The following RGL1 variants were observed in gnomAD, a reference collection of about 807,000 sequenced individuals.
RGL1 encodes ral guanine nucleotide dissociation stimulator-like 1.
Under a neutral mutation model 95.2 loss-of-function variants are expected in RGL1, and 24 were observed. The ratio of observed to expected loss-of-function variants is 0.25; its 90% CI spans 0.18 to 0.35. RGL1 has a LOEUF of 0.35. Ranked by LOEUF, RGL1 falls within the 10% of genes least tolerant of loss-of-function variation. The pLI is 1.00. For missense variants in RGL1, 715 were observed against 936.3 expected (o/e 0.76, Z 3.08); for synonymous variants, 329 against 344.9 (o/e 0.95, Z 0.51).
chr1:183,763,638 A>G (rs931221514), intron 2 of RGL1, among the ~76,000 whole-genome samples: 14 of 152,238 alleles, frequency 9.2e-5, no homozygotes, highest in African/African-American at 3.4e-4. Context: ...GTCTCCAGAG[A>G]CAGACTGGCC....
At chr1:183,719,671 C>T (rs547228686) in intron 1 of RGL1, among the ~76,000 whole-genome samples, 1 of 152,252 alleles carries the variant, frequency 6.6e-6, no homozygotes, top group South Asian at 2.1e-4. Flanking sequence ...TTTGGGAGGC[C>T]GAGGCAGATG....
At chr1:183,767,305 G>A (rs967447374) in intron 2 of RGL1, among the ~76,000 whole-genome samples, 13 of 150,864 alleles carry the variant, frequency 8.6e-5, no homozygotes, top group Admixed American at 4.0e-4. Flanking sequence ...AAAACCCAAA[G>A]GAGAACAAAC....
intron 1 of RGL1, among the ~76,000 whole-genome samples, chr1:183,696,454 T>C (rs1368933079): frequency 6.6e-6 from 1 of 152,178 alleles, no homozygotes; most frequent in Non-Finnish European, 1.5e-5. Flanking sequence ...TCACATACAA[T>C]GGGTGCCTTA....
At chr1:183,731,060 A>G (rs1383667600) in intron 1 of RGL1, among the ~76,000 whole-genome samples, 1 of 152,186 alleles carries the variant, frequency 6.6e-6, no homozygotes, top group East Asian at 1.9e-4. Flanking sequence ...GTTAACAATT[A>G]ATATCTTTGT....
intron 13 of RGL1, among the ~76,000 whole-genome samples, chr1:183,906,781 G>C (rs573296094): frequency 7.3e-6 from 1 of 136,860 alleles, no homozygotes; most frequent in South Asian, 2.4e-4. Context: ...GAACTAAATA[G>C]CCTCAATCCA....
chr1:183,746,560 TTTAAG>T (rs1161211144), intron 2 of RGL1, among the ~76,000 whole-genome samples: 1 of 152,000 alleles, frequency 6.6e-6, no homozygotes, highest in Non-Finnish European at 1.5e-5. Context: ...TGGATGAACA[TTTAAG>T]TTATTTATAG....
chr1:183,796,617 A>G (rs931706310), intron 2 of RGL1, among the ~76,000 whole-genome samples: 1 of 152,192 alleles, frequency 6.6e-6, no homozygotes, highest in Non-Finnish European at 1.5e-5. Context: ...CTAACTGCAG[A>G]GCCTTCACTC....
chr1:183,899,045 T>G (rs1667866746), intron 10 of RGL1, among the ~76,000 whole-genome samples: 1 of 152,212 alleles, frequency 6.6e-6, no homozygotes, highest in Non-Finnish European at 1.5e-5. Context: ...GGAGATTTAG[T>G]GAAATGAATA....
At chr1:183,656,192 C>T (rs1469772341) in intron 1 of RGL1, among the ~76,000 whole-genome samples, 1 of 149,910 alleles carries the variant, frequency 6.7e-6, no homozygotes, top group African/African-American at 2.5e-5. Context: ...AAAAAGTAAC[C>T]TGAAATCCAT....
At chr1:183,783,177 C>T (rs1053744890) in intron 2 of RGL1, among the ~76,000 whole-genome samples, 2 of 150,696 alleles carry the variant, frequency 1.3e-5, no homozygotes, top group Non-Finnish European at 1.5e-5. Flanking sequence ...ATTCCAGCTC[C>T]GTTTTGGGGA....
chr1:183,735,751 G>C (rs1010242411), intron 1 of RGL1, among the ~76,000 whole-genome samples: 1 of 152,196 alleles, frequency 6.6e-6, no homozygotes, highest in East Asian at 1.9e-4. Flanking sequence ...GTAGGAATCT[G>C]TCTCTCTGCT....
At position 183,814,973 on chromosome 1, in the gene RGL1, T is replaced by A. The variant is rs532173841; in HGVS notation, c.138+8488T>A. On this transcript the variant is annotated intron_variant, in intron 2 of 17. Transcript: ENST00000360851. Reference sequence around the variant, plus strand: ...TGCTTTATAGTCATGACTTTTCCAATTAAAATTGCAATACTTGGCTGAGCG... The same window carrying A: ...TGCTTTATAGTCATGACTTTTCCAAATAAAATTGCAATACTTGGCTGAGCG... Among the ~76,000 whole-genome samples the A allele has an allele frequency of 9.8e-5, 15 of 152,314 alleles. No individual in the cohort carries two copies. In the South Asian group the frequency reaches 1.5e-3, roughly 15 times the overall value.
chr1:183,734,278 T>C (rs1656804577), intron 1 of RGL1, among the ~76,000 whole-genome samples: 1 of 152,134 alleles, frequency 6.6e-6, no homozygotes, highest in African/African-American at 2.4e-5. Flanking sequence ...AACATCTACA[T>C]GATGTTATTT....
At chr1:183,825,810 G>A (rs912693940) in intron 2 of RGL1, among the ~76,000 whole-genome samples, 2 of 152,242 alleles carry the variant, frequency 1.3e-5, no homozygotes, top group African/African-American at 4.8e-5. Context: ...AATCCCAGTG[G>A]AAGCCTATGT....
chr1:183,917,525 T>C (rs1669051218), intron 16 of RGL1, among the ~76,000 whole-genome samples: 1 of 152,224 alleles, frequency 6.6e-6, no homozygotes, highest in South Asian at 2.1e-4. Flanking sequence ...GAAGGCACAC[T>C]CAGTGCTTAC....
chr1:183,712,948 G>T (rs2102179985), intron 1 of RGL1, among the ~76,000 whole-genome samples: 1 of 152,168 alleles, frequency 6.6e-6, no homozygotes, highest in East Asian at 1.9e-4. Flanking sequence ...AGTTGGCATT[G>T]AACAGACCAC....
chr1:183,806,524 A>C, intron 2 of RGL1, 39 bp downstream of exon 2: 1 of 1,371,676 alleles, frequency 7.3e-7, no homozygotes, highest in Non-Finnish European at 1.0e-6. Context: ...TTGGAATTTC[A>C]GTGTCTGTCG....
At chr1:183,757,728 G>T (rs978666497) in intron 2 of RGL1, among the ~76,000 whole-genome samples, 11 of 152,220 alleles carry the variant, frequency 7.2e-5, no homozygotes, top group East Asian at 3.9e-4. Context: ...TAATATATTT[G>T]TCACAGCCAT....
intron 2 of RGL1, among the ~76,000 whole-genome samples, chr1:183,755,375 A>G (rs1658261651): frequency 6.6e-6 from 1 of 152,162 alleles, no homozygotes; most frequent in Non-Finnish European, 1.5e-5. Context: ...CAATGTAGTG[A>G]TTAACTGTAA....
Sources: allele counts gnomAD v4.1 joint callset (sites outside exome capture counted in the v4.1 genomes callset), GRCh38; gene constraint gnomAD v4.1.1; transcripts MANE v1.5; gene names NCBI Gene and HGNC (gene_info 2026-07-23, HGNC 2026-07-21).